Variants in CD38 observed in about 807,000 individuals in gnomAD.
CD38 encodes ADP-ribosyl cyclase/cyclic ADP-ribose hydrolase 1.
A neutral mutation model predicts 36.3 loss-of-function variants in CD38; 31 were observed. The ratio of observed to expected loss-of-function variants is 0.85; its 90% CI spans 0.64 to 1.15. The LOEUF (loss-of-function observed/expected upper bound fraction) is 1.15, where lower values mean the gene tolerates loss of function less well. CD38 is among the 50% of genes most tolerant of loss of function. The probability of loss-of-function intolerance (pLI) is 0.00; values close to 1 mark genes in which losing one functional copy is unlikely to be tolerated. For synonymous variants in CD38, 131 were observed against 135.2 expected (o/e 0.97, Z 0.22); for missense variants, 380 against 371.9 (o/e 1.02, Z -0.18).
chr4:15,828,194 T>A (rs1221000946), intron 3 of CD38, among the ~76,000 whole-genome samples: 1 of 152,100 alleles, frequency 6.6e-6, no homozygotes, highest in Non-Finnish European at 1.5e-5. Flanking sequence ...TTTTGTATTT[T>A]TTTTAGAGAC....
intron 7 of CD38, among the ~76,000 whole-genome samples, chr4:15,847,647 G>A (rs1724292264): frequency 1.7e-5 from 2 of 117,376 alleles, no homozygotes; most frequent in Non-Finnish European, 3.3e-5. Context: ...TATCTGACGA[G>A]TCTAAGCTGT....
At chr4:15,786,060 T>G (rs1173510157) in intron 1 of CD38, among the ~76,000 whole-genome samples, 1 of 152,166 alleles carries the variant, frequency 6.6e-6, no homozygotes, top group Admixed American at 6.5e-5. Flanking sequence ...GGTCTCACTG[T>G]GCTCAGGAGT....
rs1163789065 is a variant in CD38 at position 15,849,353 on chromosome 4, C to T, written c.*751C>T. On this transcript the variant is annotated 3_prime_UTR_variant, in exon 8 of 8. Coordinates refer to ENST00000226279, the MANE Select transcript of CD38 (RefSeq NM_001775.4). ...TATCAAGCTAGAGACTGAATTTGAACTCAACTCTGTCCAACTCCAAAATTC... is the reference window on the plus strand; with the variant it reads ...TATCAAGCTAGAGACTGAATTTGAATTCAACTCTGTCCAACTCCAAAATTC... The T allele has an allele frequency of 6.6e-6, 1 of 152,200 alleles. No homozygotes were observed. Among genetic ancestry groups the T allele is most frequent in the African/African-American group, 2.4e-5 (1 of 41,454 alleles). 9.4% of individuals were successfully genotyped at this position (152,200 alleles called of 1,614,324 possible). A position where few individuals can be genotyped will look rare whatever the true frequency, so the allele number is the denominator to read the frequency against.
intron 3 of CD38, 69 bp from the exon 4 acceptor site, chr4:15,834,148 C>T: frequency 9.9e-7 from 1 of 1,010,892 alleles, no homozygotes; most frequent in South Asian, 1.3e-5. Context: ...GACTGAACAG[C>T]CAGGGAAGAG....
chr4:15,837,879 T>G (rs1246922378), intron 4 of CD38, among the ~76,000 whole-genome samples: 1 of 152,236 alleles, frequency 6.6e-6, no homozygotes, highest in African/African-American at 2.4e-5. Flanking sequence ...ATTGTTCACT[T>G]AGAGATTGGA....
At chr4:15,790,453 C>T (rs1314666817) in intron 1 of CD38, among the ~76,000 whole-genome samples, 1 of 151,956 alleles carries the variant, frequency 6.6e-6, no homozygotes, top group East Asian at 1.9e-4. Context: ...GCCGGGATTG[C>T]GGACGGAGTC....
intron 1 of CD38, among the ~76,000 whole-genome samples, chr4:15,789,329 A>C (rs1443257620): frequency 6.6e-6 from 1 of 152,236 alleles, no homozygotes; most frequent in African/African-American, 2.4e-5. Flanking sequence ...ATAGTATGGC[A>C]GATGGTGGAA....
At chr4:15,817,277 A>T (rs566083908) in intron 2 of CD38, among the ~76,000 whole-genome samples, 6 of 152,352 alleles carry the variant, frequency 3.9e-5, no homozygotes, top group African/African-American at 1.4e-4. Context: ...TACATTGGTT[A>T]TATTGGAAAA....
intron 1 of CD38, among the ~76,000 whole-genome samples, chr4:15,782,455 TAAA>T (rs1166138018): frequency 6.6e-6 from 1 of 152,234 alleles, no homozygotes; most frequent in Non-Finnish European, 1.5e-5. Flanking sequence ...TTTAAGATGA[TAAA>T]AATCTAATAC....
At chr4:15,833,125 G>A (rs1723991178) in intron 3 of CD38, among the ~76,000 whole-genome samples, 1 of 152,024 alleles carries the variant, frequency 6.6e-6, no homozygotes, top group African/African-American at 2.4e-5. Context: ...TCAAAGCAGT[G>A]GGCTCCCCTC....
intron 1 of CD38, among the ~76,000 whole-genome samples, chr4:15,809,110 C>G (rs1208655588): frequency 1.3e-5 from 2 of 152,234 alleles, no homozygotes; most frequent in Non-Finnish European, 2.9e-5. Flanking sequence ...CTGTAAAACA[C>G]TTAGCCAGAT....
chr4:15,782,259 C>G (rs773703014), intron 1 of CD38, among the ~76,000 whole-genome samples: 1 of 152,218 alleles, frequency 6.6e-6, no homozygotes, highest in Non-Finnish European at 1.5e-5. Context: ...AAAACAATCA[C>G]CGGACCAGCC....
At chr4:15,787,249 T>G (rs150239638) in intron 1 of CD38, among the ~76,000 whole-genome samples, 20 of 152,362 alleles carry the variant, frequency 1.3e-4, no homozygotes, top group African/African-American at 4.8e-4. Context: ...CACCAGCACG[T>G]TGTCTCCTCT....
chr4:15,841,732 G>A (rs1228672819), intron 7 of CD38, among the ~76,000 whole-genome samples: 4 of 148,568 alleles, frequency 2.7e-5, no homozygotes, highest in African/African-American at 7.7e-5. Context: ...GCAGGGCGAG[G>A]CATTGCCTCA....
intron 1 of CD38, among the ~76,000 whole-genome samples, chr4:15,786,921 G>A (rs987083076): frequency 2.6e-5 from 4 of 152,246 alleles, no homozygotes; most frequent in Admixed American, 6.5e-5. Flanking sequence ...GGAGCGCAGC[G>A]CCAGTGGGCC....
chr4:15,825,878 C>T (rs953870), intron 3 of CD38: 1 of 152,070 alleles, frequency 6.6e-6, no homozygotes, highest in Admixed American at 6.6e-5. Flanking sequence ...GTAGCCTTAT[C>T]CTGCCCAGAA....
intron 1 of CD38, among the ~76,000 whole-genome samples, chr4:15,779,451 T>A (rs1387832727): frequency 6.6e-6 from 1 of 152,214 alleles, no homozygotes; most frequent in Non-Finnish European, 1.5e-5. Context: ...TTCCCAGGCC[T>A]CGCTTTCACC....
chr4:15,792,878 T>C (rs1723034550), intron 1 of CD38, among the ~76,000 whole-genome samples: 1 of 152,252 alleles, frequency 6.6e-6, no homozygotes, highest in Non-Finnish European at 1.5e-5. Context: ...TGATTTGTTC[T>C]AATCAAGATT....
rs1432224761 is a variant in CD38, at chr4:15,778,571, C to A, written c.157C>A (p.Pro53Thr). 6.2e-7 allele frequency: 1 copy of A among 1,613,558 alleles called. No individual in the cohort carries two copies. Among genetic ancestry groups the A allele is most frequent in the South Asian group, 1.1e-5 (1 of 91,070 alleles). ...VPRWRQQWSG[P>T]GTTKRFPETV... is the part of the protein sequence containing the mutation. Reference sequence around the variant, plus strand: ...GAGGTGGCGCCAGCAGTGGAGCGGTCCGGGCACCACCAAGCGCTTTCCCGA... The same window carrying A: ...GAGGTGGCGCCAGCAGTGGAGCGGTACGGGCACCACCAAGCGCTTTCCCGA... The change falls in exon 1 of 8, where the codon CCG (proline) becomes ACG (threonine). Residue 53 changes from proline to threonine, a missense_variant. Transcript: ENST00000226279. This position sits in a 1 kb window ranked among gnomAD's most constrained non-coding sequence, Gnocchi z 4.9.
Sources: gnomAD v4.1 joint callset for allele counts (sites outside exome capture counted in the v4.1 genomes callset) on GRCh38, gnomAD v4.1.1 for gene constraint, Gnocchi (gnomAD v3.1) non-coding constraint, MANE v1.5 for transcripts, NCBI Gene and HGNC (gene_info 2026-07-23, HGNC 2026-07-21) for gene names.